The following MYBPH variants were observed in gnomAD, a reference collection of about 807,000 sequenced individuals.
MYBPH encodes the protein myosin-binding protein H.
MYBPH carries 49 observed loss-of-function variants against 53.6 expected under a neutral mutation model. That is an observed-to-expected ratio of 0.91 (90% CI 0.73 to 1.16). The LOEUF (loss-of-function observed/expected upper bound fraction) is 1.16, where lower values mean the gene tolerates loss of function less well. MYBPH is among the 50% of genes most tolerant of loss of function. MYBPH has a pLI of 0.00. For synonymous variants in MYBPH, 239 were observed against 249.6 expected, an observed-to-expected ratio of 0.96 and a Z score of 0.40; for missense variants, 558 against 624.1, an observed-to-expected ratio of 0.89 and a Z score of 1.13.
At chr1:203,173,035 C>G (rs1330670736) in intron 3 of MYBPH, among the ~76,000 whole-genome samples, 1 of 152,200 alleles carries the variant, frequency 6.6e-6, no homozygotes. Flanking sequence ...AGCCAAGGAT[C>G]CTGGACAGGG....
intron 10 of MYBPH, 118 bp from the exon 11 acceptor site, chr1:203,168,209 A>T: frequency 4.2e-6 from 1 of 239,464 alleles, no homozygotes; most frequent in Non-Finnish European, 8.3e-6. Context: ...TCCCTCCCTC[A>T]GGTGCAATGC....
upstream of MYBPH, among the ~76,000 whole-genome samples, chr1:203,176,969 A>G (rs1655822931): frequency 6.6e-6 from 1 of 152,214 alleles, no homozygotes; most frequent in African/African-American, 2.4e-5. Context: ...GTCCCTCAAC[A>G]GTGGGATGGA....
In MYBPH at chr1:203,169,386, A is replaced by G. The variant is rs752026511; in HGVS notation, c.1097T>C (p.Ile366Thr). ...KELAHIQKAD[I>T]AAKPKGFIER... The stretch of plus-strand genomic sequence containing the variant: ...AATAAACCCTTTAGGTTTGGCAGCA[A>G]TATCTGGGTTCAGGGGAGAAAGTCG... Residue 366 changes from isoleucine to threonine, a missense_variant, in exon 8 of 11, where the codon ATT (isoleucine) becomes ACT (threonine). Transcript: ENST00000255416. 1 of 1,568,198 alleles carries G rather than the reference A, an allele frequency of 6.4e-7. No homozygotes were observed. Among genetic ancestry groups the G allele is most frequent in the Non-Finnish European group, 8.7e-7 (1 of 1,155,186 alleles).
In MYBPH at chr1:203,170,287, C is replaced by A; in HGVS notation, c.1093+4G>T. 6.2e-7 allele frequency: 1 copy of A among 1,613,982 alleles called. No homozygotes were observed. Among genetic ancestry groups the A allele is most frequent in the Non-Finnish European group, 8.5e-7 (1 of 1,179,944 alleles). On this transcript the variant is annotated splice_donor_region_variant and intron_variant, in intron 7 of 10. Coordinates refer to ENST00000255416, the MANE Select transcript of MYBPH (RefSeq NM_004997.3). ...AGCACAGCCAGCTCCGGGCCCAAACCCACCTGCCTTCTGGATGTGGGCGAG... is the reference window on the plus strand; with the variant it reads ...AGCACAGCCAGCTCCGGGCCCAAACACACCTGCCTTCTGGATGTGGGCGAG...
At position 203,174,592 on chromosome 1, in the gene MYBPH, C is replaced by T. The variant is rs1445039023; in HGVS notation, c.346G>A (p.Glu116Lys). 1.9e-6 allele frequency: 3 copies of T among 1,599,934 alleles called. No homozygotes were observed. The South Asian group carries it at 3.3e-5, about 18-fold the overall frequency. Reference sequence around the variant, plus strand: ...GGCCGGGCACTCACAGGCACCCACTCCGAGGCTGAGGGGATGGAGAGAGTG... The same window carrying T: ...GGCCGGGCACTCACAGGCACCCACTTCGAGGCTGAGGGGATGGAGAGAGTG... ...VLELCREGAS[E>K]WVPVSARPMM... The change falls in exon 3 of 11, where the codon GAG becomes AAG. Residue 116 changes from glutamate to lysine, a missense_variant. Coordinates refer to ENST00000255416, the MANE Select transcript of MYBPH (RefSeq NM_004997.3).
chr1:203,171,428 C>T lies in MYBPH; in HGVS notation c.748G>A (p.Val250Met), dbSNP rs139911521. The change falls in exon 5 of 11, where the codon GTG becomes ATG. Residue 250 changes from valine (V) to methionine (M), a missense_variant. Physicochemically the swap from Val to Met is conservative, Grantham distance 21. Transcript: ENST00000255416. The surrounding 1 kb of genome is among the most constrained non-coding windows in gnomAD (Gnocchi z 4.2). The stretch of plus-strand genomic sequence containing the variant: ...ACTGCCTTGGCCTCCAGGTCTTCCA[C>T]GCGCACAGTGAGCTCGTAGCGGCCA... ...DSGRYELTVR[V>M]EDLEAKAVID... The T allele has an allele frequency of 3.5e-5, 57 of 1,613,984 alleles. 1 individual carries two copies. Among genetic ancestry groups the T allele is most frequent in the African/African-American group, 3.2e-4 (24 of 75,070 alleles).
rs1002769160 is a variant in MYBPH, at chr1:203,171,922, G to C, written c.597+30C>G. 1 of 1,290,278 alleles carries C rather than the reference G, an allele frequency of 7.8e-7. No individual in the cohort carries two copies. The highest frequency in any genetic ancestry group is 1.5e-5 in the African/African-American group (1 of 66,010). The allele number at this position is 1,290,278 out of a possible 1,614,324, so 79.9% of individuals were successfully genotyped here. A position where few individuals can be genotyped will look rare whatever the true frequency, so the allele number is the denominator to read the frequency against. ...AATGGGGGCCCTGGTTCCCACCCAG[G>C]CTGTTACCCTTGGTGGGGGTAATAC... is the stretch of plus-strand genomic sequence containing the variant. On this transcript the variant is annotated intron_variant, in intron 4 of 10. Transcript: ENST00000255416. The surrounding 1 kb of genome is among the most constrained non-coding windows in gnomAD (Gnocchi z 4.2).
At chr1:203,174,923 C>T (rs903490260) in intron 2 of MYBPH, among the ~76,000 whole-genome samples, 6 of 152,140 alleles carry the variant, frequency 3.9e-5, no homozygotes, top group Non-Finnish European at 8.8e-5. Context: ...GGATGTGGCC[C>T]CCACACCCCC....
In MYBPH at chr1:203,171,379, A is replaced by C; in HGVS notation, c.793+4T>G. ...GAGACAGCACTGTTCCCCTGGCTCC[A>C]TACCAATCACCAGGATGTCAATGAC... On this transcript the variant is annotated splice_donor_region_variant and intron_variant, in intron 5 of 10. Coordinates refer to ENST00000255416, the MANE Select transcript of MYBPH (RefSeq NM_004997.3). The surrounding 1 kb of genome is among the most constrained non-coding windows in gnomAD (Gnocchi z 4.2). 1 of 1,611,550 alleles carries C rather than the reference A, an allele frequency of 6.2e-7. No individual in the cohort carries two copies. Among genetic ancestry groups the C allele is most frequent in the Non-Finnish European group, 8.5e-7 (1 of 1,178,720 alleles).
At chr1:203,173,666 T>C (rs1655744128) in intron 3 of MYBPH, among the ~76,000 whole-genome samples, 1 of 152,200 alleles carries the variant, frequency 6.6e-6, no homozygotes, top group Non-Finnish European at 1.5e-5. Context: ...CCAGAAATCA[T>C]CCATCCCCTA....
chr1:203,172,026 G>A lies in MYBPH; in HGVS notation c.523C>T (p.Arg175Cys), dbSNP rs749100478. 5.3e-6 allele frequency: 7 copies of A among 1,319,090 alleles called. No individual in the cohort carries two copies. Among genetic ancestry groups the A allele is most frequent in the Non-Finnish European group, 6.8e-6 (7 of 1,026,500 alleles). The allele number at this position is 1,319,090 out of a possible 1,614,324, so 81.7% of individuals were successfully genotyped here. Residue 175 changes from arginine to cysteine, a missense_variant, in exon 4 of 11, where the codon CGT (arginine) becomes TGT (cysteine). Arg to Cys is a radical substitution (Grantham distance 180). Coordinates refer to ENST00000255416, the MANE Select transcript of MYBPH (RefSeq NM_004997.3). Reference sequence around the variant, plus strand: ...GTCTGACGGAGGTGGCGGGGGACACGGATCTTGGGGGCCTCTGGATCAAAG... The same window carrying A: ...GTCTGACGGAGGTGGCGGGGGACACAGATCTTGGGGGCCTCTGGATCAAAG... ...IRENIEAPKIRVPRHLRQTYI... is the reference protein window; with the variant it reads ...IRENIEAPKICVPRHLRQTYI...
intron 8 of MYBPH, 79 bp from the exon 9 acceptor site, chr1:203,169,171 G>A: frequency 6.3e-7 from 1 of 1,582,168 alleles, no homozygotes; most frequent in Non-Finnish European, 8.6e-7. Context: ...AGGCTTAGGT[G>A]TGGACGCCCG....
At chr1:203,169,410 C>T (rs755657898) in intron 7 of MYBPH, 21 bp from the exon 8 acceptor site, 35 of 1,555,028 alleles carry the variant, frequency 2.3e-5, no homozygotes, top group Middle Eastern at 1.7e-4. Flanking sequence ...GGGAGAAAGT[C>T]GGGTGCATCT....
At chr1:203,170,066 T>C (rs1000837393) in intron 7 of MYBPH, among the ~76,000 whole-genome samples, 2 of 152,166 alleles carry the variant, frequency 1.3e-5, no homozygotes, top group Non-Finnish European at 2.9e-5. Flanking sequence ...GGGGCATCTT[T>C]CATTTGTGTG....
chr1:203,168,424 C>A (rs1277091165), intron 10 of MYBPH, among the ~76,000 whole-genome samples: 2 of 152,230 alleles, frequency 1.3e-5, no homozygotes, highest in Non-Finnish European at 2.9e-5. Flanking sequence ...AATCACCCCC[C>A]TTCCAGGAGA....
upstream of MYBPH, chr1:203,179,009 C>T (rs1655869056): frequency 6.3e-6 from 1 of 158,136 alleles, no homozygotes; most frequent in East Asian, 1.9e-4. Flanking sequence ...GATTACGTTC[C>T]TAAGTGAAGG....
chr1:203,171,490 G>C lies in MYBPH; in HGVS notation c.686C>G (p.Ser229Cys). 6.2e-7 allele frequency: 1 copy of C among 1,613,926 alleles called. No homozygotes were observed. Among genetic ancestry groups the C allele is most frequent in the Non-Finnish European group, 8.5e-7 (1 of 1,180,022 alleles). The change falls in exon 5 of 11, where the codon TCC becomes TGC. Residue 229 changes from serine to cysteine, a missense_variant. Coordinates refer to ENST00000255416, the MANE Select transcript of MYBPH (RefSeq NM_004997.3). This position sits in a 1 kb window ranked among gnomAD's most constrained non-coding sequence, Gnocchi z 4.2. ...RVSMRTGDQD[S>C]ILFIRSAQRS... is the part of the protein sequence containing the mutation. ...CTGGGCCGAGCGAATGAAGAGGATG[G>C]AGTCCTGGTCCCCGGTGCGCATGCT...
chr1:203,172,122 G>A, intron 3 of MYBPH, 82 bp from the exon 4 acceptor site: 1 of 869,298 alleles, frequency 1.2e-6, no homozygotes, highest in Non-Finnish European at 1.6e-6. Context: ...GGGACAGCTG[G>A]TGAGGGATGC....
chr1:203,175,859 C>T (rs1655799501), upstream of MYBPH: 18 of 1,147,186 alleles, frequency 1.6e-5, no homozygotes, highest in Non-Finnish European at 2.1e-5. Context: ...CTTATATAGT[C>T]AGGGGCTGCC....
Sources: allele counts gnomAD v4.1 joint callset (sites outside exome capture counted in the v4.1 genomes callset), GRCh38; gene constraint gnomAD v4.1.1; non-coding constraint Gnocchi (gnomAD v3.1); transcripts MANE v1.5; gene names NCBI Gene and HGNC (gene_info 2026-07-23, HGNC 2026-07-21).